RPS6KC1: variants seen among roughly 807,000 people sequenced by gnomAD.
The protein encoded by RPS6KC1 is ribosomal protein S6 kinase C1.
A neutral mutation model predicts 103.8 loss-of-function variants in RPS6KC1; 54 were observed. The observed-to-expected ratio is 0.52, with a 90% confidence interval of 0.42 to 0.65. The LOEUF (loss-of-function observed/expected upper bound fraction) is 0.65, where lower values mean the gene tolerates loss of function less well. Among genes scored for constraint, RPS6KC1 ranks in the 30% least tolerant of loss-of-function variants. RPS6KC1 has a pLI of 0.00. For missense variants in RPS6KC1, 1,151 were observed against 1,253.8 expected (o/e 0.92, Z 1.24); for synonymous variants, 439 against 438.7 (o/e 1.00, Z -0.01).
At chr1:213,793,749 C>T in the RPS6KC1 span, among the ~76,000 whole-genome samples, 3 of 152,160 alleles carry the variant, frequency 2.0e-5, no homozygotes, top group Non-Finnish European at 4.4e-5. Context: ...GTCAATATCC[C>T]CCTTATGCTC....
chr1:213,086,329 G>C (rs1444808192), intron 3 of RPS6KC1, among the ~76,000 whole-genome samples: 1 of 152,202 alleles, frequency 6.6e-6, no homozygotes, highest in East Asian at 1.9e-4. Flanking sequence ...GCCTGGATCT[G>C]CTGGCACCAC....
the RPS6KC1 span, among the ~76,000 whole-genome samples, chr1:213,562,556 AC>A: frequency 3.3e-5 from 5 of 151,282 alleles, no homozygotes; most frequent in Admixed American, 1.3e-4. Context: ...CGCCCGGCTA[AC>A]TTTTTGTATT....
the RPS6KC1 span, among the ~76,000 whole-genome samples, chr1:213,480,521 T>C: frequency 1.3e-5 from 2 of 152,090 alleles, no homozygotes; most frequent in African/African-American, 4.8e-5. Context: ...TATCTGCAAA[T>C]AATGACAATT....
the RPS6KC1 span, among the ~76,000 whole-genome samples, chr1:213,541,936 G>A: frequency 6.6e-6 from 1 of 152,178 alleles, no homozygotes; most frequent in East Asian, 1.9e-4. Context: ...GCTTCGTGGA[G>A]GAGTTCCTGA....
the RPS6KC1 span, among the ~76,000 whole-genome samples, chr1:213,421,602 T>C: frequency 3.8e-4 from 58 of 152,372 alleles, no homozygotes; most frequent in African/African-American, 1.4e-3. Flanking sequence ...AGCTGTGTGA[T>C]GGTGGAACCC....
chr1:213,513,837 G>T, the RPS6KC1 span, among the ~76,000 whole-genome samples: 1 of 152,180 alleles, frequency 6.6e-6, no homozygotes, highest in East Asian at 1.9e-4. Context: ...CTGATATGCA[G>T]CTTTATCAGT....
the RPS6KC1 span, among the ~76,000 whole-genome samples, chr1:213,469,619 CT>C: frequency 1.3e-5 from 2 of 152,176 alleles, no homozygotes; most frequent in Non-Finnish European, 2.9e-5. Flanking sequence ...CCTCGCTAGC[CT>C]TTCCCAAGCC....
intron 12 of RPS6KC1, among the ~76,000 whole-genome samples, chr1:213,255,955 G>C (rs556805375): frequency 6.6e-6 from 1 of 152,310 alleles, no homozygotes; most frequent in African/African-American, 2.4e-5. Flanking sequence ...ATGAATCACT[G>C]CTTGATATAA....
the RPS6KC1 span, among the ~76,000 whole-genome samples, chr1:213,646,508 C>T: frequency 1.3e-5 from 2 of 152,090 alleles, no homozygotes; most frequent in Non-Finnish European, 2.9e-5. Flanking sequence ...TGTGCAGTAC[C>T]ATCAGCCCCT....
chr1:213,082,415 A>G (rs1394956777), intron 3 of RPS6KC1, among the ~76,000 whole-genome samples: 1 of 152,112 alleles, frequency 6.6e-6, no homozygotes, highest in Non-Finnish European at 1.5e-5. Context: ...TGGGCGACAG[A>G]GCGAGACTCC....
chr1:213,779,916 C>A, the RPS6KC1 span, among the ~76,000 whole-genome samples: 2 of 152,160 alleles, frequency 1.3e-5, no homozygotes, highest in African/African-American at 4.8e-5. Flanking sequence ...GAGGAGAAGA[C>A]TCTCCCTGTG....
chr1:213,592,712 A>T, the RPS6KC1 span, among the ~76,000 whole-genome samples: 167 of 152,324 alleles, frequency 1.1e-3, no homozygotes, highest in African/African-American at 3.9e-3. Flanking sequence ...ATTTTATATT[A>T]ATTAATGGAT....
chr1:213,307,248 A>G, the RPS6KC1 span, among the ~76,000 whole-genome samples: 4 of 151,972 alleles, frequency 2.6e-5, no homozygotes, highest in Admixed American at 1.3e-4. Flanking sequence ...TATTTTTAGT[A>G]GAGACAGGGT....
chr1:213,595,768 G>A, the RPS6KC1 span, among the ~76,000 whole-genome samples: 1 of 152,234 alleles, frequency 6.6e-6, no homozygotes, highest in Non-Finnish European at 1.5e-5. Context: ...ATTGAACTGT[G>A]TGGCATTCTC....
chr1:213,095,149 G>A (rs971306114), intron 3 of RPS6KC1, among the ~76,000 whole-genome samples: 1 of 152,128 alleles, frequency 6.6e-6, no homozygotes, highest in Non-Finnish European at 1.5e-5. Context: ...CCAATGGTAT[G>A]TATTCTCCTT....
the RPS6KC1 span, among the ~76,000 whole-genome samples, chr1:213,670,629 G>GA: frequency 1.3e-5 from 2 of 152,162 alleles, no homozygotes; most frequent in African/African-American, 4.8e-5. Context: ...CCCAGGCCAG[G>GA]ATAGGGGCCT....
chr1:213,812,453 A>C, the RPS6KC1 span, among the ~76,000 whole-genome samples: 1 of 152,194 alleles, frequency 6.6e-6, no homozygotes, highest in Non-Finnish European at 1.5e-5. Flanking sequence ...AATTGTTTTT[A>C]GGTGTCTTGA....
At chr1:213,346,326 C>T in the RPS6KC1 span, among the ~76,000 whole-genome samples, 1 of 152,020 alleles carries the variant, frequency 6.6e-6, no homozygotes, top group Non-Finnish European at 1.5e-5. Flanking sequence ...TAAAATTGGA[C>T]ATTCAACATT....
At chr1:213,561,698 G>T in the RPS6KC1 span, among the ~76,000 whole-genome samples, 1 of 151,998 alleles carries the variant, frequency 6.6e-6, no homozygotes, top group Non-Finnish European at 1.5e-5. Flanking sequence ...AAGCATTTTT[G>T]GTATTTGGGT....
Sources: allele counts gnomAD v4.1 joint callset (sites outside exome capture counted in the v4.1 genomes callset), GRCh38; gene constraint gnomAD v4.1.1; transcripts MANE v1.5; gene names NCBI Gene and HGNC (gene_info 2026-07-23, HGNC 2026-07-21).